SLC6A9: variants seen among roughly 807,000 people sequenced by gnomAD.
The protein encoded by SLC6A9 is sodium- and chloride-dependent glycine transporter 1.
SLC6A9 carries 31 observed loss-of-function variants against 70.9 expected under a neutral mutation model. That is an observed-to-expected ratio of 0.44 (90% CI 0.33 to 0.59). SLC6A9 has a LOEUF of 0.59. Ranked by LOEUF, SLC6A9 falls within the 20% of genes least tolerant of loss-of-function variation. The pLI is 0.04. For missense variants in SLC6A9, 631 were observed against 845.2 expected, an observed-to-expected ratio of 0.75 and a Z score of 3.14; for synonymous variants, 310 against 341.3, an observed-to-expected ratio of 0.91 and a Z score of 1.01.
intron 12 of SLC6A9, among the ~76,000 whole-genome samples, chr1:44,000,396 A>T (rs1014612893): frequency 2.0e-5 from 3 of 152,234 alleles, no homozygotes; most frequent in Non-Finnish European, 4.4e-5. Flanking sequence ...GGTTCCCACC[A>T]CATAGCCAAG....
intron 2 of SLC6A9, among the ~76,000 whole-genome samples, chr1:44,022,352 C>A (rs1288210690): frequency 6.6e-6 from 1 of 152,154 alleles, no homozygotes; most frequent in Non-Finnish European, 1.5e-5. Context: ...AGGGCCACAC[C>A]CCGCTTCTTA....
intron 1 of SLC6A9, among the ~76,000 whole-genome samples, chr1:44,027,696 C>T (rs1191323605): frequency 6.6e-6 from 1 of 152,226 alleles, no homozygotes; most frequent in Non-Finnish European, 1.5e-5. Flanking sequence ...CAAACTGAGA[C>T]CAGGAGTGGT....
At chr1:44,000,689 T>A (rs1571845015) in intron 12 of SLC6A9, 78 bp downstream of exon 12, 2 of 945,484 alleles carry the variant, frequency 2.1e-6, no homozygotes, top group African/African-American at 1.6e-5. Flanking sequence ...GCTCCCACTG[T>A]CCCTCCGCTG....
At chr1:44,012,640 G>A (rs1295749965) in intron 2 of SLC6A9, among the ~76,000 whole-genome samples, 1 of 152,246 alleles carries the variant, frequency 6.6e-6, no homozygotes, top group Non-Finnish European at 1.5e-5. Context: ...GAAATCTAGT[G>A]GGGGTGCAAT....
At chr1:44,006,925 AC>A (rs941477790) in intron 5 of SLC6A9, among the ~76,000 whole-genome samples, 20 of 152,212 alleles carry the variant, frequency 1.3e-4, no homozygotes, top group African/African-American at 4.8e-4. Flanking sequence ...GTATCCTCAG[AC>A]CCTTGTACAT....
rs551029124 is a variant in SLC6A9, at chr1:44,004,882, T to C, written c.591-1897A>G. On this transcript the variant is annotated intron_variant, in intron 5 of 13. Coordinates refer to ENST00000372310, the MANE Select transcript of SLC6A9 (RefSeq NM_001024845.3). ...ACACATGACATCTCCAGAATTACTC[T>C]GCGTTGCTTTAAAAATGTCTCCACA... 6.6e-5 allele frequency among the ~76,000 whole-genome samples: 10 copies of C among 152,370 alleles called. 1 individual carries two copies. The South Asian group carries it at 2.1e-3, about 32-fold the overall frequency.
intron 2 of SLC6A9, among the ~76,000 whole-genome samples, chr1:44,021,127 T>C (rs1403305889): frequency 1.3e-5 from 2 of 152,082 alleles, no homozygotes; most frequent in Non-Finnish European, 2.9e-5. Context: ...CTGTCCTGGG[T>C]CCCTCTCCTC....
At chr1:43,998,623 TC>T (rs1350719728) in intron 12 of SLC6A9, among the ~76,000 whole-genome samples, 1 of 152,170 alleles carries the variant, frequency 6.6e-6, no homozygotes, top group Non-Finnish European at 1.5e-5. Flanking sequence ...GGTTTAACGT[TC>T]CCATAGACCT....
intron 2 of SLC6A9, among the ~76,000 whole-genome samples, chr1:44,022,722 CT>C (rs71307650): frequency 5.5e-4 from 66 of 118,930 alleles, no homozygotes; most frequent in South Asian, 1.9e-3. Flanking sequence ...TTCTTTCTTT[CT>C]TTTTTTTTTT....
chr1:44,003,585 C>T (rs111863783), intron 5 of SLC6A9, among the ~76,000 whole-genome samples: 11 of 151,836 alleles, frequency 7.2e-5, no homozygotes, highest in African/African-American at 9.7e-5. Context: ...GGTGAAACCC[C>T]GTCTCTACAA....
intron 5 of SLC6A9, among the ~76,000 whole-genome samples, chr1:44,006,390 C>T (rs2086311802): frequency 6.6e-6 from 1 of 151,954 alleles, no homozygotes; most frequent in Non-Finnish European, 1.5e-5. Context: ...GAGTTCGAGA[C>T]CAGCCCGGCC....
intron 1 of SLC6A9, among the ~76,000 whole-genome samples, chr1:44,029,439 A>C (rs1260739477): frequency 6.6e-6 from 1 of 152,224 alleles, no homozygotes; most frequent in Non-Finnish European, 1.5e-5. Context: ...CAGCACTTGC[A>C]GAGGGCTCCT....
chr1:44,022,669 T>C (rs2086904593), intron 2 of SLC6A9, among the ~76,000 whole-genome samples: 2 of 151,406 alleles, frequency 1.3e-5, no homozygotes, highest in African/African-American at 2.4e-5. Flanking sequence ...GAACCACCGG[T>C]TCTCTCCCAC....
intron 1 of SLC6A9, among the ~76,000 whole-genome samples, chr1:44,026,227 A>G: frequency 6.6e-6 from 1 of 152,180 alleles, no homozygotes; most frequent in Non-Finnish European, 1.5e-5. Context: ...TTAAAAGTAG[A>G]TCACACCTTG....
In SLC6A9 at chr1:43,997,678, G is replaced by C. The variant is rs1168458804; in HGVS notation, c.1769C>G (p.Thr590Arg). 5.6e-6 allele frequency: 9 copies of C among 1,612,598 alleles called. No homozygotes were observed. The highest frequency in any genetic ancestry group is 7.6e-6 in the Non-Finnish European group (9 of 1,179,564). Reference sequence around the variant, plus strand: ...GGCTATGGTGGGGGCGTAGCGCCCTGTCCGGTGCTCCAGGAGGGCAGGGCC... The same window carrying C: ...GGCTATGGTGGGGGCGTAGCGCCCTCTCCGGTGCTCCAGGAGGGCAGGGCC... The part of the protein sequence containing the change: ...DWGPALLEHR[T>R]GRYAPTIAPS... Residue 590 changes from threonine to arginine, a missense_variant, in exon 14 of 14, where the codon ACA (threonine) becomes AGA (arginine). Thr to Arg is a moderately conservative substitution (Grantham distance 71). Coordinates refer to ENST00000372310, the MANE Select transcript of SLC6A9 (RefSeq NM_001024845.3). The surrounding 1 kb of genome is among the most constrained non-coding windows in gnomAD (Gnocchi z 4.4).
chr1:44,012,622 C>T (rs1427671051), intron 2 of SLC6A9, among the ~76,000 whole-genome samples: 4 of 152,242 alleles, frequency 2.6e-5, no homozygotes, highest in South Asian at 4.1e-4. Context: ...CCTACCCATT[C>T]GGAGCTGGAA....
intron 2 of SLC6A9, chr1:44,011,722 C>T: frequency 6.2e-7 from 1 of 1,613,678 alleles, no homozygotes; most frequent in African/African-American, 1.3e-5. Flanking sequence ...AGAAGCGTCA[C>T]CTGCAGGGGA....
chr1:44,016,769 T>C (rs1243917965), intron 2 of SLC6A9, among the ~76,000 whole-genome samples: 4 of 152,084 alleles, frequency 2.6e-5, no homozygotes. Context: ...ACAATGCAGC[T>C]TTGATACACA....
chr1:44,010,349 G>A, intron 3 of SLC6A9: 1 of 495,198 alleles, frequency 2.0e-6, no homozygotes, highest in South Asian at 2.4e-5. Flanking sequence ...GGATTTGATG[G>A]TTTAAACAAG....
Sources: allele counts gnomAD v4.1 joint callset (sites outside exome capture counted in the v4.1 genomes callset), GRCh38; gene constraint gnomAD v4.1.1; non-coding constraint Gnocchi (gnomAD v3.1); transcripts MANE v1.5; gene names NCBI Gene and HGNC (gene_info 2026-07-23, HGNC 2026-07-21).